GGCX: variants seen among roughly 807,000 people sequenced by gnomAD.
GGCX encodes the protein vitamin K-dependent gamma-carboxylase.
GGCX carries 63 observed loss-of-function variants against 88.5 expected under a neutral mutation model. That is an observed-to-expected ratio of 0.71 (90% confidence interval 0.58 to 0.88). The LOEUF is 0.88. GGCX is among the 40% of genes least tolerant of loss of function. The probability of loss-of-function intolerance (pLI) is 0.00; values close to 1 mark genes in which losing one functional copy is unlikely to be tolerated. For missense variants in GGCX, 805 were observed against 932.9 expected (o/e 0.86, Z 1.79); for synonymous variants, 368 against 365.8 (o/e 1.01, Z -0.07).
chr2:85,558,713 C>G, intron 3 of GGCX, 108 bp from the exon 4 acceptor site: 1 of 958,520 alleles, frequency 1.0e-6, no homozygotes. Flanking sequence ...TGTATAATCA[C>G]ATAAAACTAA....
At position 85,553,280 on chromosome 2, in the gene GGCX, G is replaced by A. The variant is rs145056129; in HGVS notation, c.1107C>T (p.Leu369=). 80 of 1,614,266 alleles carry A rather than the reference G, an allele frequency of 5.0e-5. No individual in the cohort carries two copies. The highest frequency in any genetic ancestry group is 4.3e-4 in the African/African-American group (32 of 75,084). Reference sequence around the variant, plus strand: ...GCAGGAATAGCTGCTCCAGGAGGTAGAGCAGGGTGAAGGCAGCTCCCAGCT... The same window carrying A: ...GCAGGAATAGCTGCTCCAGGAGGTAAAGCAGGGTGAAGGCAGCTCCCAGCT... ...RHQLGAAFTL[L]YLLEQLFLPY... is the part of the protein sequence containing the mutation. Residue 369 remains leucine (L), a synonymous_variant, in exon 8 of 15, where the codon CTC becomes CTT. Transcript: ENST00000233838.
chr2:85,551,635 T>TC, intron 11 of GGCX, 25 bp from the exon 12 acceptor site: 1 of 1,612,450 alleles, frequency 6.2e-7, no homozygotes, highest in Middle Eastern at 1.7e-4. Flanking sequence ...GAGTTCATCA[T>TC]CCCACCCCAT....
Position 85,561,416 on chromosome 2 carries a change from C to T in GGCX, c.13G>A (p.Ala5Thr). MAVSAGSARTSPSSD... is the reference protein window; with the variant it reads MAVSTGSARTSPSSD... ...CTGGGCGAGGTCCGCGCGGACCCGG[C>T]AGACACCGCCATTGCTCTGCGGAGG... Residue 5 changes from alanine to threonine, a missense_variant, in exon 1 of 15, where the codon GCC becomes ACC. This residue lies in a region of GGCX where 64 missense variants were observed against 57.4 expected (regional missense o/e 1.12). Transcript: ENST00000233838. 6.4e-7 allele frequency: 1 copy of T among 1,572,924 alleles called. No individual in the cohort carries two copies. The highest frequency in any genetic ancestry group is 1.9e-5 in the Admixed American group (1 of 52,700).
chr2:85,552,481 A>G lies in GGCX; in HGVS notation c.1374T>C (p.Tyr458=), dbSNP rs1431827550. 1.9e-6 allele frequency: 3 copies of G among 1,613,770 alleles called. No individual in the cohort carries two copies. Among genetic ancestry groups the G allele is most frequent in the Admixed American group, 1.7e-5 (1 of 60,002 alleles). The part of the protein sequence containing the change: ...ATCLSRLLPK[Y]NVTEPQIYFD... ...AGTAGATCTGGGGCTCAGTGACATTATACTTGGGAAGCAGGCGGCTCAGGC... is the reference window on the plus strand; with the variant it reads ...AGTAGATCTGGGGCTCAGTGACATTGTACTTGGGAAGCAGGCGGCTCAGGC... Residue 458 remains tyrosine, a synonymous_variant, in exon 10 of 15, where the codon TAT becomes TAC. Coordinates refer to ENST00000233838, the MANE Select transcript of GGCX (RefSeq NM_000821.7).
At chr2:85,551,400 C>T (rs1691944820) in intron 12 of GGCX, 80 bp downstream of exon 12, 4 of 1,430,140 alleles carry the variant, frequency 2.8e-6, no homozygotes, top group African/African-American at 1.4e-5. Context: ...CTTCCCACCT[C>T]AGCCTCCTAA....
chr2:85,552,872 C>T, intron 9 of GGCX, 67 bp downstream of exon 9: 1 of 1,576,900 alleles, frequency 6.3e-7, no homozygotes, highest in Non-Finnish European at 8.7e-7. Flanking sequence ...GTGTGTAAGA[C>T]AAAACCAGAC....
At position 85,548,503 on chromosome 2, in the gene GGCX, C is replaced by T. The variant is rs1201577628; in HGVS notation, c.*1431G>A. 6 of 152,166 alleles carry T rather than the reference C, an allele frequency of 3.9e-5. No homozygotes were observed. The highest frequency in any genetic ancestry group is 1.4e-4 in the African/African-American group (6 of 41,398). The allele number at this position is 152,166 out of a possible 1,614,324, so 9.4% of individuals were successfully genotyped here. ...GAAATCCTGGAGTAGACACAATCAT[C>T]TGAAGTATGTATACTGAAAAAGCAG... On this transcript the variant is annotated 3_prime_UTR_variant, in exon 15 of 15. Coordinates refer to ENST00000233838, the MANE Select transcript of GGCX (RefSeq NM_000821.7).
chr2:85,550,961 G>A lies in GGCX; in HGVS notation c.1852C>T (p.Leu618=). ...TCCACCTTTTCCTTTAATTCTTGCA[G>A]ATATGCCAGGTCTTGCTCCAGTGCA... ...ELALEQDLAY[L]QELKEKVENG... is the part of the protein sequence containing the mutation. The change falls in exon 13 of 15, where the codon CTG becomes TTG. Residue 618 remains leucine, a synonymous_variant. Transcript: ENST00000233838. 6.2e-7 allele frequency: 1 copy of A among 1,614,050 alleles called. No homozygotes were observed. Among genetic ancestry groups the A allele is most frequent in the Non-Finnish European group, 8.5e-7 (1 of 1,179,928 alleles).
chr2:85,558,234 G>A (rs1192984241), intron 4 of GGCX, among the ~76,000 whole-genome samples: 2 of 152,112 alleles, frequency 1.3e-5, no homozygotes, highest in Admixed American at 6.6e-5. Flanking sequence ...AGACTGAAGG[G>A]GTGGGATGGA....
chr2:85,545,971 C>G lies in GGCX; in HGVS notation c.*3963G>C, dbSNP rs1691643145. On this transcript the variant is annotated 3_prime_UTR_variant, in exon 15 of 15. Transcript: ENST00000233838. The stretch of plus-strand genomic sequence containing the variant: ...CAGGTTGTGTAGAAAATCCGCAGAC[C>G]ACACTGCTCTTGAACCTAGGAGCTA... 6.6e-6 allele frequency: 1 copy of G among 152,148 alleles called. No individual in the cohort carries two copies. The allele number at this position is 152,148 out of a possible 1,614,324, so 9.4% of individuals were successfully genotyped here. A position where few individuals can be genotyped will look rare whatever the true frequency, so the allele number is the denominator to read the frequency against.
At chr2:85,551,645 TG>T in intron 11 of GGCX, 35 bp from the exon 12 acceptor site, 1 of 1,612,138 alleles carries the variant, frequency 6.2e-7, no homozygotes, top group Non-Finnish European at 8.5e-7. Flanking sequence ...TCCCACCCCA[TG>T]GCAGAGTGAA....
At position 85,549,953 on chromosome 2, in the gene GGCX, G is replaced by A. The variant is rs1249802445; in HGVS notation, c.2258C>T (p.Pro753Leu). The A allele has an allele frequency of 6.2e-7, 1 of 1,612,964 alleles. No individual in the cohort carries two copies. Among genetic ancestry groups the A allele is most frequent in the African/African-American group, 1.3e-5 (1 of 74,832 alleles). ...CCCCCTTCAGAACTCTGAGTGGACA[G>A]GATCAGGATTTGACTCAGGAGGATT... is the stretch of plus-strand genomic sequence containing the variant. Reference protein sequence around the residue: ...HSNPPESNPDPVHSEF With the variant: ...HSNPPESNPDLVHSEF Residue 753 changes from proline to leucine, a missense_variant, in exon 15 of 15, where the codon CCT becomes CTT. Around this residue, in one of 3 missense-constraint regions of GGCX, gnomAD observed 680 missense variants for 763.7 expected, o/e 0.89. Transcript: ENST00000233838.
intron 4 of GGCX, among the ~76,000 whole-genome samples, chr2:85,558,067 T>C (rs1168635496): frequency 6.6e-6 from 1 of 152,204 alleles, no homozygotes; most frequent in African/African-American, 2.4e-5. Context: ...GCTCTAACTC[T>C]GCCCTTCTGG....
At position 85,546,429 on chromosome 2, in the gene GGCX, G is replaced by A. The variant is rs1049861677; in HGVS notation, c.*3505C>T. ...CAGAGTGAGACTTAAAAAAAAAGCC[G>A]TGGAAATCTGGGTATGGTAGCTTAC... is the stretch of plus-strand genomic sequence containing the variant. On this transcript the variant is annotated 3_prime_UTR_variant, in exon 15 of 15. Coordinates refer to ENST00000233838, the MANE Select transcript of GGCX (RefSeq NM_000821.7). 4 of 151,368 alleles carry A rather than the reference G, an allele frequency of 2.6e-5. No individual in the cohort carries two copies. The highest frequency in any genetic ancestry group is 2.1e-4 in the South Asian group (1 of 4,830). 9.4% of individuals were successfully genotyped at this position (151,368 alleles called of 1,614,324 possible). A position where few individuals can be genotyped will look rare whatever the true frequency, so the allele number is the denominator to read the frequency against.
chr2:85,555,929 A>T (rs957813244), intron 5 of GGCX, among the ~76,000 whole-genome samples: 2 of 152,232 alleles, frequency 1.3e-5, no homozygotes, highest in African/African-American at 4.8e-5. Context: ...TAAAGCACAG[A>T]CTGAATCCTT....
At chr2:85,557,661 C>A (rs1293299109) in intron 4 of GGCX, among the ~76,000 whole-genome samples, 3 of 152,034 alleles carry the variant, frequency 2.0e-5, no homozygotes, top group African/African-American at 7.2e-5. Context: ...AATCCCAGCA[C>A]TTTGGGAGGC....
chr2:85,554,262 C>T lies in GGCX; in HGVS notation c.770G>A (p.Trp257Ter). The change falls in exon 7 of 15, where the codon TGG (tryptophan) becomes TAG (stop). Residue 257 changes from tryptophan (W) to a stop codon, truncating the protein, a stop_gained. Transcript: ENST00000233838. LOFTEE classifies it high-confidence loss of function. The stretch of plus-strand genomic sequence containing the variant: ...TGAGAGGTCAAGCAGCAGCCCACCC[C>T]AGTGCACGACCAGCAGGCTAGTCAG... ...EELTSLLVVH[W>*]GGLLLDLSAG... 6.2e-7 allele frequency: 1 copy of T among 1,613,936 alleles called. No homozygotes were observed. Among genetic ancestry groups the T allele is most frequent in the Non-Finnish European group, 8.5e-7 (1 of 1,179,814 alleles).
rs1573314796 is a variant in GGCX, at chr2:85,547,988, A to G, written c.*1946T>C. ...CCAAGGCAGGTGGATACTTAAGGTC[A>G]TGAGTTTGAGACCAGCCTGGCCAAT... On this transcript the variant is annotated 3_prime_UTR_variant, in exon 15 of 15. Transcript: ENST00000233838. 6.6e-6 allele frequency: 1 copy of G among 152,360 alleles called. No individual in the cohort carries two copies. Among genetic ancestry groups the G allele is most frequent in the East Asian group, 1.9e-4 (1 of 5,184 alleles). 9.4% of individuals were successfully genotyped at this position (152,360 alleles called of 1,614,324 possible).
chr2:85,555,234 C>T (rs777065234), intron 6 of GGCX: 10 of 391,902 alleles, frequency 2.6e-5, no homozygotes, highest in South Asian at 1.3e-4. Flanking sequence ...CAGCCAGTTC[C>T]GGCTCTTTCC....
Sources: allele counts gnomAD v4.1 joint callset (sites outside exome capture counted in the v4.1 genomes callset), GRCh38; gene constraint gnomAD v4.1.1; regional missense constraint gnomAD v4.1.1; transcripts MANE v1.5; gene names NCBI Gene and HGNC (gene_info 2026-07-23, HGNC 2026-07-21).